Variants in LARGE1 observed in about 807,000 individuals in gnomAD.
LARGE1 encodes LARGE xylosyl- and glucuronyltransferase 1, also known as xylosyl- and glucuronyltransferase LARGE1.
Under a neutral mutation model 87.6 loss-of-function variants are expected in LARGE1, and 43 were observed. That is an observed-to-expected ratio of 0.49 (90% CI 0.38 to 0.63). The LOEUF (loss-of-function observed/expected upper bound fraction) is 0.63, where lower values mean the gene tolerates loss of function less well. Ranked by LOEUF, LARGE1 falls within the 30% of genes least tolerant of loss-of-function variation. LARGE1 has a pLI of 0.00. For synonymous variants in LARGE1, 434 were observed against 394.6 expected, an observed-to-expected ratio of 1.10 and a Z score of -1.18; for missense variants, 802 against 1,000.2, an observed-to-expected ratio of 0.80 and a Z score of 2.67.
chr22:33,107,003 C>G, the LARGE1 span, among the ~76,000 whole-genome samples: 3 of 152,244 alleles, frequency 2.0e-5, no homozygotes, highest in East Asian at 5.8e-4. Context: ...GTTTTCATCC[C>G]AAAGTTTCCC....
Position 33,911,145 on chromosome 22 carries a change from T to C in LARGE1, c.-83+8850A>G, listed in dbSNP as rs143634046. On this transcript the variant is annotated intron_variant, in intron 1 of 14. Coordinates refer to ENST00000397394, the MANE Select transcript of LARGE1 (RefSeq NM_133642.5). ...TGGAAGAACGTGCTTTGGGTGCAGA[T>C]TGGATGGAAGCAGAGCATGCTGCAG... 8.7e-3 allele frequency among the ~76,000 whole-genome samples: 1,326 copies of C among 152,198 alleles called. 4 individuals carry two copies. The highest frequency in any genetic ancestry group is 0.011 in the Non-Finnish European group (743 of 68,002).
chr22:33,360,745 A>G (rs2064358627), intron 9 of LARGE1, among the ~76,000 whole-genome samples: 1 of 149,606 alleles, frequency 6.7e-6, no homozygotes, highest in South Asian at 2.2e-4. Context: ...AAAATGCTAT[A>G]TAAACTGCGT....
At chr22:33,919,412 C>G (rs1038523216) in intron 1 of LARGE1, among the ~76,000 whole-genome samples, 2 of 152,238 alleles carry the variant, frequency 1.3e-5, no homozygotes. Context: ...TAGCTATACA[C>G]TGATCACTCC....
intron 9 of LARGE1, among the ~76,000 whole-genome samples, chr22:33,346,098 A>G (rs1271596249): frequency 6.6e-6 from 1 of 152,126 alleles, no homozygotes; most frequent in East Asian, 1.9e-4. Flanking sequence ...CCAGCTCTAT[A>G]TCCAGGCTAA....
intron 6 of LARGE1, among the ~76,000 whole-genome samples, chr22:33,540,393 C>G (rs542507389): frequency 2.0e-5 from 3 of 152,204 alleles, no homozygotes; most frequent in Non-Finnish European, 4.4e-5. Flanking sequence ...CAGCCCAGCC[C>G]TGACCTTTTC....
At chr22:33,867,275 G>A (rs2064133746) in intron 1 of LARGE1, among the ~76,000 whole-genome samples, 1 of 152,154 alleles carries the variant, frequency 6.6e-6, no homozygotes, top group Non-Finnish European at 1.5e-5. Flanking sequence ...TCATGAACAG[G>A]AATCTTAAGA....
At chr22:33,638,002 C>T (rs901385981) in intron 3 of LARGE1, among the ~76,000 whole-genome samples, 1 of 152,146 alleles carries the variant, frequency 6.6e-6, no homozygotes, top group Non-Finnish European at 1.5e-5. Context: ...GCTATAACAT[C>T]CCCTAATTTC....
chr22:33,898,558 C>A (rs1337202768), intron 1 of LARGE1, among the ~76,000 whole-genome samples: 1 of 152,176 alleles, frequency 6.6e-6, no homozygotes, highest in Non-Finnish European at 1.5e-5. Flanking sequence ...AGTTCAAGAC[C>A]AGCCTGGCCA....
intron 7 of LARGE1, among the ~76,000 whole-genome samples, chr22:33,419,876 T>C (rs1246572718): frequency 2.0e-5 from 3 of 152,066 alleles, no homozygotes; most frequent in South Asian, 2.1e-4. Flanking sequence ...GTGTTTATAG[T>C]AGAGGTGGGG....
rs1263731548 is a variant in LARGE1, at chr22:33,272,640, T to C, written c.*1787A>G. Among the ~76,000 whole-genome samples, 3 of 152,246 alleles carry C rather than the reference T, an allele frequency of 2.0e-5. No homozygotes were observed. Among genetic ancestry groups the C allele is most frequent in the African/African-American group, 7.2e-5 (3 of 41,472 alleles). On this transcript the variant is annotated 3_prime_UTR_variant, in exon 15 of 15. Coordinates refer to ENST00000397394, the MANE Select transcript of LARGE1 (RefSeq NM_133642.5). ...ACATACATAAGCCTAGCTAGATCTATGCAAAAATTAGTCCTAATGGTAATT... is the reference window on the plus strand; with the variant it reads ...ACATACATAAGCCTAGCTAGATCTACGCAAAAATTAGTCCTAATGGTAATT...
intron 12 of LARGE1, among the ~76,000 whole-genome samples, chr22:33,292,492 T>C (rs1418202631): frequency 1.3e-5 from 2 of 152,032 alleles, no homozygotes; most frequent in East Asian, 3.9e-4. Flanking sequence ...ATGTGGATAA[T>C]GGTGCAGGCT....
chr22:33,405,663 G>A (rs1216108852), intron 7 of LARGE1, among the ~76,000 whole-genome samples: 1 of 152,118 alleles, frequency 6.6e-6, no homozygotes, highest in Non-Finnish European at 1.5e-5. Context: ...TGACTTTGCT[G>A]CCGACAAATA....
intron 7 of LARGE1, among the ~76,000 whole-genome samples, chr22:33,408,152 T>G (rs1009742130): frequency 1.3e-5 from 2 of 152,024 alleles, no homozygotes; most frequent in Admixed American, 6.6e-5. Context: ...AGCTAATTTT[T>G]TTTTGTATTT....
chr22:33,133,097 T>C, the LARGE1 span, among the ~76,000 whole-genome samples: 31 of 152,222 alleles, frequency 2.0e-4, no homozygotes, highest in African/African-American at 7.5e-4. Flanking sequence ...ATTGTTCATA[T>C]AGTAAAAAAA....
At chr22:33,765,021 C>T (rs2084855518) in intron 1 of LARGE1, among the ~76,000 whole-genome samples, 1 of 152,154 alleles carries the variant, frequency 6.6e-6, no homozygotes, top group Admixed American at 6.5e-5. Context: ...TTACTTACAG[C>T]AATAAGTCAA....
At chr22:33,150,341 C>T in the LARGE1 span, among the ~76,000 whole-genome samples, 2 of 151,966 alleles carry the variant, frequency 1.3e-5, no homozygotes, top group African/African-American at 4.8e-5. Context: ...TGCAAGCCCC[C>T]GATTAAAGGC....
intron 6 of LARGE1, among the ~76,000 whole-genome samples, chr22:33,513,448 T>C (rs998159462): frequency 2.0e-5 from 3 of 152,158 alleles, no homozygotes; most frequent in African/African-American, 7.2e-5. Flanking sequence ...TTGGTTCCTG[T>C]TCCAGACTGT....
chr22:33,100,519 T>C, the LARGE1 span, among the ~76,000 whole-genome samples: 1 of 152,048 alleles, frequency 6.6e-6, no homozygotes, highest in African/African-American at 2.4e-5. Flanking sequence ...GTTACTAGTG[T>C]AGAGATAGAA....
chr22:33,089,368 T>TCTTCTTCTTCTTCTTCTTCTTCTC, the LARGE1 span, among the ~76,000 whole-genome samples: 6 of 78,284 alleles, frequency 7.7e-5, no homozygotes, highest in Non-Finnish European at 1.3e-4. Flanking sequence ...TTCTTCTTCT[T>TCTTCTTCTTCTTCTTCTTCTTCTC]CTCCTTCTTC....
Sources: allele counts gnomAD v4.1 joint callset (sites outside exome capture counted in the v4.1 genomes callset), GRCh38; gene constraint gnomAD v4.1.1; transcripts MANE v1.5; gene names NCBI Gene and HGNC (gene_info 2026-07-23, HGNC 2026-07-21).